Variants in PCDHGA11 observed in about 807,000 individuals in gnomAD.
PCDHGA11 encodes the protein protocadherin gamma subfamily A, 11, also known as protocadherin gamma-A11.
PCDHGA11 carries 39 observed loss-of-function variants against 60.4 expected under a neutral mutation model. That is an observed-to-expected ratio of 0.65 (90% CI 0.50 to 0.84). The LOEUF (loss-of-function observed/expected upper bound fraction) is 0.84, where lower values mean the gene tolerates loss of function less well. PCDHGA11 is among the 40% of genes least tolerant of loss of function. The pLI is 0.00. For missense variants in PCDHGA11, 1,165 were observed against 1,197.7 expected (o/e 0.97, Z 0.40); for synonymous variants, 533 against 510.3 (o/e 1.04, Z -0.60).
At position 141,477,146 on chromosome 5, in the gene PCDHGA11, G is replaced by A. The variant is rs1447966302; in HGVS notation, c.2434-17661G>A. The stretch of plus-strand genomic sequence containing the variant: ...TTGCAAAGTGTTGGTGGAGGTTGTG[G>A]ATGTGAATGACAACGCCCCGGAGAT... On this transcript the variant is annotated intron_variant, in intron 1 of 3. Coordinates refer to ENST00000398587, the MANE Select transcript of PCDHGA11 (RefSeq NM_018914.3). This position sits in a 1 kb window ranked among gnomAD's most constrained non-coding sequence, Gnocchi z 4.9. 1 of 1,614,182 alleles carries A rather than the reference G, an allele frequency of 6.2e-7. No homozygotes were observed. The highest frequency in any genetic ancestry group is 8.5e-7 in the Non-Finnish European group (1 of 1,180,044).
intron 3 of PCDHGA11, among the ~76,000 whole-genome samples, chr5:141,510,330 C>T (rs1420880240): frequency 6.6e-6 from 1 of 151,298 alleles, no homozygotes; most frequent in Non-Finnish European, 1.5e-5. Context: ...GCACTCTTCA[C>T]CCCCACCCCA....
chr5:141,448,338 T>A (rs1053822287), intron 1 of PCDHGA11, among the ~76,000 whole-genome samples: 1 of 152,192 alleles, frequency 6.6e-6, no homozygotes, highest in African/African-American at 2.4e-5. Context: ...TATAGCCATG[T>A]ACCTCAATCT....
Position 141,489,138 on chromosome 5 carries a change from T to C in PCDHGA11, c.2434-5669T>C. 1.4e-6 allele frequency: 1 copy of C among 738,808 alleles called. No homozygotes were observed. The highest frequency in any genetic ancestry group is 3.0e-5 in the Admixed American group (1 of 33,014). The allele number at this position is 738,808 out of a possible 1,614,324, so 45.8% of individuals were successfully genotyped here. On this transcript the variant is annotated intron_variant, in intron 1 of 3. Transcript: ENST00000398587. This position sits in a 1 kb window ranked among gnomAD's most constrained non-coding sequence, Gnocchi z 4.5. ...AACCTCCGAGCAGTTTTTAAGAGGC[T>C]GGAAGGAGACATAAGAGACTTCAGC...
At chr5:141,429,196 A>T (rs2097195436) in intron 1 of PCDHGA11, 2 of 151,994 alleles carry the variant, frequency 1.3e-5, no homozygotes, top group African/African-American at 4.8e-5. Context: ...ACACACACAC[A>T]CACACACACG....
chr5:141,422,576 C>G lies in PCDHGA11; in HGVS notation c.1349C>G (p.Pro450Arg), dbSNP rs778942661. The change falls in exon 1 of 4, where the codon CCT (proline) becomes CGT (arginine). Residue 450 changes from proline (P) to arginine (R), a missense_variant. Physicochemically the swap from Pro to Arg is moderately radical, Grantham distance 103 (BLOSUM62 -2). Transcript: ENST00000398587. ...AATGTGGCAGATGACAACGATAACCCTCCCGTTTTTCCTCACTCCTCTTAC... is the reference window on the plus strand; with the variant it reads ...AATGTGGCAGATGACAACGATAACCGTCCCGTTTTTCCTCACTCCTCTTAC... ...WLNVADDNDNPPVFPHSSYSA... is the reference protein window; with the variant it reads ...WLNVADDNDNRPVFPHSSYSA... 1 of 1,614,034 alleles carries G rather than the reference C, an allele frequency of 6.2e-7. No homozygotes were observed. Among genetic ancestry groups the G allele is most frequent in the South Asian group, 1.1e-5 (1 of 91,070 alleles).
chr5:141,475,572 C>T (rs2099365596), intron 1 of PCDHGA11, among the ~76,000 whole-genome samples: 1 of 152,214 alleles, frequency 6.6e-6, no homozygotes, highest in South Asian at 2.1e-4. Context: ...TTCCAACAAG[C>T]CAGATTTGTT....
chr5:141,427,658 C>A, intron 1 of PCDHGA11: 2 of 738,894 alleles, frequency 2.7e-6, no homozygotes, highest in Non-Finnish European at 4.8e-6. Context: ...ACGTGGTCCA[C>A]GTGGCCGAAA....
At chr5:141,480,525 A>G (rs191522157) in intron 1 of PCDHGA11, among the ~76,000 whole-genome samples, 131 of 152,310 alleles carry the variant, frequency 8.6e-4, no homozygotes, top group African/African-American at 2.6e-3. Context: ...AAAAATGACA[A>G]AGTAGAAGCA....
chr5:141,491,500 G>A lies in PCDHGA11; in HGVS notation c.2434-3307G>A. ...CAGCCCCAACCTGCAGGTGAGCTCG[G>A]ACGGCACGCTCAAGTACATGGAGGT... On this transcript the variant is annotated intron_variant, in intron 1 of 3. Transcript: ENST00000398587. The surrounding 1 kb of genome is among the most constrained non-coding windows in gnomAD (Gnocchi z 6.9). 3 of 1,614,102 alleles carry A rather than the reference G, an allele frequency of 1.9e-6. No homozygotes were observed. The highest frequency in any genetic ancestry group is 2.7e-5 in the African/African-American group (2 of 75,066).
In PCDHGA11 at chr5:141,511,173, A is replaced by T. The variant is rs1384881403; in HGVS notation, c.2808A>T (p.Ter936TyrextTer31). ...AGTCGGGCAAGAAGGAGAAGAAGTA[A>T]CATGGAGGCCAGGCCAAGAGCCACA... ...KKKSGKKEKK[*>Y] Residue 936 changes from the stop codon to tyrosine, a stop_lost, in exon 4 of 4, where the codon TAA (stop) becomes TAT (tyrosine). Coordinates refer to ENST00000398587, the MANE Select transcript of PCDHGA11 (RefSeq NM_018914.3). 6.2e-7 allele frequency: 1 copy of T among 1,614,132 alleles called. No homozygotes were observed.
Position 141,511,429 on chromosome 5 carries a change from G to A in PCDHGA11, c.*256G>A, listed in dbSNP as rs1414641314. 1.3e-6 allele frequency: 1 copy of A among 769,620 alleles called. No individual in the cohort carries two copies. The highest frequency in any genetic ancestry group is 2.0e-6 in the Non-Finnish European group (1 of 505,154). The allele number at this position is 769,620 out of a possible 1,614,324, so 47.7% of individuals were successfully genotyped here. On this transcript the variant is annotated 3_prime_UTR_variant, in exon 4 of 4. Transcript: ENST00000398587. The stretch of plus-strand genomic sequence containing the variant: ...CTGCTGTACCCATGGGGGTAGTGGG[G>A]TTACTGTAGACACCAAGAACCATTT...
chr5:141,447,164 G>T (rs2098528799), intron 1 of PCDHGA11, among the ~76,000 whole-genome samples: 1 of 151,766 alleles, frequency 6.6e-6, no homozygotes, highest in South Asian at 2.1e-4. Context: ...GTTTAAGCGG[G>T]GTCTTGCTCT....
chr5:141,424,786 T>G (rs1219509852), intron 1 of PCDHGA11: 1 of 152,210 alleles, frequency 6.6e-6, no homozygotes, highest in Non-Finnish European at 1.5e-5. Flanking sequence ...ATTCAGTTCT[T>G]TTATTCAGAC....
At chr5:141,499,689 C>CTTT (rs545067566) in intron 2 of PCDHGA11, among the ~76,000 whole-genome samples, 57 of 119,830 alleles carry the variant, frequency 4.8e-4, no homozygotes, top group Non-Finnish European at 6.2e-4. Context: ...TAACAGATGA[C>CTTT]TTTTTTTTTT....
At chr5:141,498,321 G>A (rs1477684617) in intron 2 of PCDHGA11, among the ~76,000 whole-genome samples, 2 of 151,722 alleles carry the variant, frequency 1.3e-5, no homozygotes, top group Non-Finnish European at 2.9e-5. Flanking sequence ...CTACACAGAA[G>A]GAAGAGCATT....
At chr5:141,425,827 T>C (rs2096896512) in intron 1 of PCDHGA11, among the ~76,000 whole-genome samples, 1 of 152,226 alleles carries the variant, frequency 6.6e-6, no homozygotes, top group South Asian at 2.1e-4. Context: ...AAACAAACTT[T>C]TAAATTCTCT....
intron 1 of PCDHGA11, chr5:141,430,707 CT>C: frequency 6.8e-7 from 1 of 1,478,562 alleles, no homozygotes; most frequent in Non-Finnish European, 9.0e-7. Context: ...GGAACTGCTC[CT>C]GACTTCAGTG....
At chr5:141,426,665 T>A in intron 1 of PCDHGA11, 1 of 429,940 alleles carries the variant, frequency 2.3e-6, no homozygotes, top group South Asian at 1.6e-5. Context: ...ATATAAATGA[T>A]AACCCACCTC....
rs139867523 is a variant in PCDHGA11, at chr5:141,474,274, G to A, written c.2434-20533G>A. 1.2e-4 allele frequency among the ~76,000 whole-genome samples: 19 copies of A among 152,278 alleles called. No homozygotes were observed. In the East Asian group the frequency reaches 3.3e-3, roughly 26 times the overall value. On this transcript the variant is annotated intron_variant, in intron 1 of 3. Coordinates refer to ENST00000398587, the MANE Select transcript of PCDHGA11 (RefSeq NM_018914.3). ...AAGACTGATAAACCAGTGTATCTCT[G>A]AATAACCCACTAGATCAGTGCTTGT...
Sources: gnomAD v4.1 joint callset for allele counts (sites outside exome capture counted in the v4.1 genomes callset) on GRCh38, gnomAD v4.1.1 for gene constraint, Gnocchi (gnomAD v3.1) non-coding constraint, MANE v1.5 for transcripts, NCBI Gene and HGNC (gene_info 2026-07-23, HGNC 2026-07-21) for gene names.